The following RAPGEF5 variants were observed in gnomAD, a reference collection of about 807,000 sequenced individuals.
The protein encoded by RAPGEF5 is M-Ras-regulated GEF.
A neutral mutation model predicts 125.2 loss-of-function variants in RAPGEF5; 65 were observed. That is an observed-to-expected ratio of 0.52 (90% CI 0.43 to 0.64). The LOEUF is 0.64. Among genes scored for constraint, RAPGEF5 ranks in the 30% least tolerant of loss-of-function variants. The probability of loss-of-function intolerance (pLI) is 0.00; values close to 1 mark genes in which losing one functional copy is unlikely to be tolerated. For synonymous variants in RAPGEF5, 391 were observed against 385.9 expected (o/e 1.01, Z -0.16); for missense variants, 958 against 1,048.1 (o/e 0.91, Z 1.19).
chr7:22,179,313 G>C (rs1408625882), intron 11 of RAPGEF5, among the ~76,000 whole-genome samples: 1 of 152,110 alleles, frequency 6.6e-6, no homozygotes, highest in East Asian at 1.9e-4. Flanking sequence ...CAAGAATTTA[G>C]AGTGAATGAT....
At chr7:22,307,987 A>C (rs1783380966) in intron 5 of RAPGEF5, among the ~76,000 whole-genome samples, 1 of 152,188 alleles carries the variant, frequency 6.6e-6, no homozygotes, top group Non-Finnish European at 1.5e-5. Flanking sequence ...GCTCTTAGGA[A>C]AGTCACGATT....
intron 7 of RAPGEF5, among the ~76,000 whole-genome samples, chr7:22,254,113 T>C (rs1447630541): frequency 6.6e-6 from 1 of 152,210 alleles, no homozygotes; most frequent in Non-Finnish European, 1.5e-5. Context: ...AATATGCCTT[T>C]TCACTGGTGT....
intron 11 of RAPGEF5, among the ~76,000 whole-genome samples, chr7:22,190,702 T>C (rs2128125020): frequency 6.6e-6 from 1 of 152,364 alleles, no homozygotes; most frequent in South Asian, 2.1e-4. Context: ...TATTGGGTCC[T>C]GCACCTACAT....
intron 7 of RAPGEF5, among the ~76,000 whole-genome samples, chr7:22,244,586 C>G (rs1786428517): frequency 6.6e-6 from 1 of 152,050 alleles, no homozygotes; most frequent in Admixed American, 6.6e-5. Context: ...AAAACAAGCT[C>G]AGGTCTTCCA....
intron 3 of RAPGEF5, among the ~76,000 whole-genome samples, chr7:22,312,708 T>G (rs1165450728): frequency 6.6e-6 from 1 of 152,238 alleles, no homozygotes; most frequent in Non-Finnish European, 1.5e-5. Flanking sequence ...ACCATTTCTG[T>G]TGCATATGAT....
At chr7:22,325,285 T>C (rs1227281880) in intron 1 of RAPGEF5, among the ~76,000 whole-genome samples, 1 of 152,140 alleles carries the variant, frequency 6.6e-6, no homozygotes, top group African/African-American at 2.4e-5. Context: ...CTTCTATAGA[T>C]CTAGGACCAT....
Position 22,160,533 on chromosome 7 carries a change from C to A in RAPGEF5, c.1511G>T (p.Gly504Val), listed in dbSNP as rs1783953986. 2 of 1,547,016 alleles carry A rather than the reference C, an allele frequency of 1.3e-6. No homozygotes were observed. The highest frequency in any genetic ancestry group is 2.0e-5 in the Admixed American group (1 of 50,426). Reference sequence around the variant, plus strand: ...AAATACTTACTGACGACGGTGCATTCCAAGTATCTTTTGAAATTCTTTCAA... The same window carrying A: ...AAATACTTACTGACGACGGTGCATTACAAGTATCTTTTGAAATTCTTTCAA... Reference protein sequence around the residue: ...KELKEFQKILGMHRRHTVDEY... With the variant: ...KELKEFQKILVMHRRHTVDEY... The change falls in exon 14 of 26, where the codon GGA becomes GTA. Residue 504 changes from glycine to valine, a missense_variant. Physicochemically the swap from Gly to Val is moderately radical, Grantham distance 109 (BLOSUM62 -3). Transcript: ENST00000665637.
chr7:22,141,887 TACCTCCCAGTCTGTG>T (rs1783274274), intron 20 of RAPGEF5, among the ~76,000 whole-genome samples: 1 of 152,196 alleles, frequency 6.6e-6, no homozygotes, highest in Admixed American at 6.5e-5. Flanking sequence ...TCCAATAAGA[TACCTCCCAGTCTGTG>T]ACTGGGAAAC....
chr7:22,301,476 G>C (rs373913904), intron 5 of RAPGEF5, among the ~76,000 whole-genome samples: 3 of 151,920 alleles, frequency 2.0e-5, no homozygotes, highest in Non-Finnish European at 2.9e-5. Flanking sequence ...TTAGCTGGGC[G>C]TGGTGGCGGG....
chr7:22,323,678 C>G (rs1217190865), intron 1 of RAPGEF5, among the ~76,000 whole-genome samples: 1 of 152,224 alleles, frequency 6.6e-6, no homozygotes, highest in Non-Finnish European at 1.5e-5. Flanking sequence ...CATACCTGGA[C>G]TCCAAGATGG....
At chr7:22,270,666 T>C (rs1373798170) in intron 6 of RAPGEF5, among the ~76,000 whole-genome samples, 1 of 152,246 alleles carries the variant, frequency 6.6e-6, no homozygotes, top group Non-Finnish European at 1.5e-5. Flanking sequence ...GCTTGGCTTT[T>C]CCTGTCATAA....
chr7:22,301,141 A>G (rs904292975), intron 5 of RAPGEF5, among the ~76,000 whole-genome samples: 16 of 152,182 alleles, frequency 1.1e-4, no homozygotes, highest in African/African-American at 3.6e-4. Flanking sequence ...TTTTATCTAG[A>G]GGTTTCAGCT....
At chr7:22,148,744 T>C (rs552736261) in intron 18 of RAPGEF5, among the ~76,000 whole-genome samples, 15 of 152,212 alleles carry the variant, frequency 9.9e-5, no homozygotes, top group African/African-American at 3.6e-4. Context: ...CAGTGGTAGA[T>C]TGAGCCGTGG....
Position 22,193,299 on chromosome 7 carries a change from C to T in RAPGEF5, c.1204+68G>A, listed in dbSNP as rs1004542560. The T allele has an allele frequency of 1.6e-5, 24 of 1,500,928 alleles. No homozygotes were observed. The Admixed American group carries it at 1.8e-4, about 12-fold the overall frequency. 93.0% of individuals were successfully genotyped at this position (1,500,928 alleles called of 1,614,324 possible). A position where few individuals can be genotyped will look rare whatever the true frequency, so the allele number is the denominator to read the frequency against. ...GTTTCAGCTAACAGTGGGAACCTTGCCCCTGAGGGTACTGACAAGGGCATC... is the reference window on the plus strand; with the variant it reads ...GTTTCAGCTAACAGTGGGAACCTTGTCCCTGAGGGTACTGACAAGGGCATC... On this transcript the variant is annotated intron_variant, in intron 11 of 25. Coordinates refer to ENST00000665637, the MANE Select transcript of RAPGEF5 (RefSeq NM_012294.5).
At chr7:22,293,133 T>A (rs1360395078) in intron 5 of RAPGEF5, among the ~76,000 whole-genome samples, 1 of 152,220 alleles carries the variant, frequency 6.6e-6, no homozygotes, top group Non-Finnish European at 1.5e-5. Context: ...ATCCCACTGT[T>A]ATCACCTCAA....
intron 9 of RAPGEF5, among the ~76,000 whole-genome samples, chr7:22,197,895 G>T (rs1456470829): frequency 7.7e-6 from 1 of 129,434 alleles, no homozygotes; most frequent in Admixed American, 8.2e-5. Context: ...TTTTTTTTTG[G>T]GGGGGGGTGG....
intron 7 of RAPGEF5, among the ~76,000 whole-genome samples, chr7:22,251,195 A>ATT (rs1786609269): frequency 6.6e-6 from 1 of 152,216 alleles, no homozygotes; most frequent in Non-Finnish European, 1.5e-5. Context: ...TGCAAAAGCA[A>ATT]TAATAATATT....
intron 6 of RAPGEF5, 119 bp downstream of exon 6, chr7:22,291,045 TCATACCTCCCA>T (rs1782923341): frequency 1.9e-6 from 2 of 1,063,604 alleles, no homozygotes; most frequent in Non-Finnish European, 2.6e-6. Context: ...CTGCCTTGCC[TCATACCTCCCA>T]CAATGATGAG....
chr7:22,149,996 T>C (rs1456892950), intron 18 of RAPGEF5, among the ~76,000 whole-genome samples: 2 of 151,644 alleles, frequency 1.3e-5, no homozygotes, highest in Non-Finnish European at 2.9e-5. Context: ...TATCATTGGA[T>C]AAGGGAAGAA....
Sources: allele counts gnomAD v4.1 joint callset (sites outside exome capture counted in the v4.1 genomes callset), GRCh38; gene constraint gnomAD v4.1.1; transcripts MANE v1.5; gene names NCBI Gene and HGNC (gene_info 2026-07-23, HGNC 2026-07-21).